Variants in CHN2 observed in about 807,000 individuals in gnomAD.
The protein encoded by CHN2 is beta-chimaerin.
In CHN2, 35 loss-of-function variants were observed where a neutral mutation model predicts 56.3. The observed-to-expected ratio is 0.62, with a 90% confidence interval of 0.47 to 0.82. CHN2 has a LOEUF of 0.82. CHN2 is among the 40% of genes least tolerant of loss of function. The pLI is 0.00. For missense variants in CHN2, 491 were observed against 580.5 expected, an observed-to-expected ratio of 0.85 and a Z score of 1.58; for synonymous variants, 210 against 212.8, an observed-to-expected ratio of 0.99 and a Z score of 0.12.
At position 29,411,684 on chromosome 7, in the gene CHN2, A is replaced by G. The variant is rs111994669; in HGVS notation, c.576+10856A>G. 9.5e-3 allele frequency among the ~76,000 whole-genome samples: 1,449 copies of G among 152,174 alleles called. 27 individuals carry two copies. Among genetic ancestry groups the G allele is most frequent in the African/African-American group, 0.033 (1,374 of 41,508 alleles). On this transcript the variant is annotated intron_variant, in intron 6 of 12. Coordinates refer to ENST00000222792, the MANE Select transcript of CHN2 (RefSeq NM_004067.4). ...CTTTCACCCTCTTTCTGCTTGGCTC[A>G]ATTAGGCAGGAAGTAGAGCCTGGGC...
intron 1 of CHN2, among the ~76,000 whole-genome samples, chr7:29,195,934 A>C (rs149211190): frequency 6.6e-6 from 1 of 152,166 alleles, no homozygotes; most frequent in South Asian, 2.1e-4. Context: ...CTGGTCATTG[A>C]AAACTTTAAT....
At chr7:29,356,282 A>G (rs1036869825) in intron 2 of CHN2, among the ~76,000 whole-genome samples, 1 of 152,210 alleles carries the variant, frequency 6.6e-6, no homozygotes, top group East Asian at 1.9e-4. Context: ...ACATAAATAC[A>G]CATATTATGT....
chr7:29,352,768 T>C (rs1029373537), intron 1 of CHN2, among the ~76,000 whole-genome samples: 2 of 151,786 alleles, frequency 1.3e-5, no homozygotes, highest in African/African-American at 4.8e-5. Flanking sequence ...AACAAAAACG[T>C]CAGAAATGCC....
At chr7:29,157,964 G>A (rs953471122) in intron 2 of CHN2, among the ~76,000 whole-genome samples, 5 of 152,158 alleles carry the variant, frequency 3.3e-5, no homozygotes, top group African/African-American at 4.8e-5. Context: ...CACTCCTAAA[G>A]AGATGTTTTT....
intron 3 of CHN2, among the ~76,000 whole-genome samples, chr7:29,388,234 GA>G (rs1472987288): frequency 6.6e-6 from 1 of 152,158 alleles, no homozygotes; most frequent in Non-Finnish European, 1.5e-5. Context: ...AGAAATCCTG[GA>G]AATAGGTGAA....
At chr7:29,360,173 C>G (rs1798618132) in intron 2 of CHN2, among the ~76,000 whole-genome samples, 1 of 152,214 alleles carries the variant, frequency 6.6e-6, no homozygotes, top group Admixed American at 6.5e-5. Context: ...ACTGTCATCT[C>G]CTCCTAGAGG....
chr7:29,187,830 A>G (rs1472453423), intron 2 of CHN2, among the ~76,000 whole-genome samples: 2 of 152,214 alleles, frequency 1.3e-5, no homozygotes, highest in East Asian at 3.8e-4. Context: ...GCCGTGCAGA[A>G]TATAATTGAG....
chr7:29,223,040 G>T (rs1452235996), intron 1 of CHN2, among the ~76,000 whole-genome samples: 1 of 152,072 alleles, frequency 6.6e-6, no homozygotes, highest in East Asian at 1.9e-4. Context: ...TAAAATTTGG[G>T]CAAAATACTT....
chr7:29,420,138 G>A (rs1804189827), intron 6 of CHN2, among the ~76,000 whole-genome samples: 1 of 152,084 alleles, frequency 6.6e-6, no homozygotes, highest in African/African-American at 2.4e-5. Context: ...TGGTATGGAT[G>A]TGGAGAAATT....
rs73090871 is a variant in CHN2, at chr7:29,210,242, T to C, written c.49+15252T>C. On this transcript the variant is annotated intron_variant, in intron 1 of 12. Coordinates refer to ENST00000222792, the MANE Select transcript of CHN2 (RefSeq NM_004067.4). ...AGCAATTACCAGTGGCATCATTTGT[T>C]CCAGGCACCCAGCCTGTAAGACATG... 1.9e-3 allele frequency among the ~76,000 whole-genome samples: 292 copies of C among 152,306 alleles called. 3 individuals are homozygous for C. The highest frequency in any genetic ancestry group is 3.5e-3 in the Non-Finnish European group (240 of 68,024).
chr7:29,247,970 C>T lies in CHN2; in HGVS notation c.49+52980C>T, dbSNP rs975154450. Among the ~76,000 whole-genome samples, 4 of 152,340 alleles carry T rather than the reference C, an allele frequency of 2.6e-5. No homozygotes were observed. The South Asian group carries it at 6.2e-4, about 24-fold the overall frequency. On this transcript the variant is annotated intron_variant, in intron 1 of 12. Transcript: ENST00000222792. ...ATGTGCTTTCTCTGCCTTGTTCAGG[C>T]AGTGATGCCAGAGTAGGCCAGTCCA... is the stretch of plus-strand genomic sequence containing the variant.
At chr7:29,336,759 C>CAAAAAAAAAA (rs5883205) in intron 1 of CHN2, among the ~76,000 whole-genome samples, 11 of 68,578 alleles carry the variant, frequency 1.6e-4, no homozygotes, top group African/African-American at 7.1e-4. Context: ...GATTCTGTCT[C>CAAAAAAAAAA]AAAAAAAAAA....
At chr7:29,441,283 C>T (rs1415912775) in intron 6 of CHN2, among the ~76,000 whole-genome samples, 1 of 152,118 alleles carries the variant, frequency 6.6e-6, no homozygotes, top group East Asian at 1.9e-4. Flanking sequence ...AGTTGGGCTA[C>T]CTCACACCAT....
intron 1 of CHN2, among the ~76,000 whole-genome samples, chr7:29,251,373 G>T (rs1788506602): frequency 6.6e-6 from 1 of 152,108 alleles, no homozygotes; most frequent in Non-Finnish European, 1.5e-5. Context: ...AGGATCTCTT[G>T]AGCCTGGGAG....
chr7:29,296,780 G>C (rs539599152), intron 1 of CHN2, among the ~76,000 whole-genome samples: 2 of 152,308 alleles, frequency 1.3e-5, no homozygotes, highest in South Asian at 4.1e-4. Flanking sequence ...CAGTCCTCAA[G>C]GGCATAACTA....
intron 1 of CHN2, among the ~76,000 whole-genome samples, chr7:29,238,912 AG>A (rs1467689534): frequency 1.3e-5 from 2 of 152,218 alleles, no homozygotes; most frequent in Non-Finnish European, 2.9e-5. Context: ...AGTAGTCAGA[AG>A]GAAGTTGGCG....
intron 2 of CHN2, among the ~76,000 whole-genome samples, chr7:29,362,613 A>T (rs1798829754): frequency 6.6e-6 from 1 of 152,122 alleles, no homozygotes; most frequent in Non-Finnish European, 1.5e-5. Context: ...CTCAGCAGCC[A>T]CACTGGCCTC....
intron 8 of CHN2, among the ~76,000 whole-genome samples, chr7:29,499,335 A>G (rs556244288): frequency 6.6e-6 from 1 of 152,314 alleles, no homozygotes; most frequent in African/African-American, 2.4e-5. Context: ...GGAGGAAGGG[A>G]TTGGAAACTA....
chr7:29,247,405 A>G (rs1474133036), intron 1 of CHN2, among the ~76,000 whole-genome samples: 1 of 152,156 alleles, frequency 6.6e-6, no homozygotes, highest in African/African-American at 2.4e-5. Flanking sequence ...CACTCAGGGA[A>G]GTGGCTGCCC....
Sources: allele counts gnomAD v4.1 joint callset (sites outside exome capture counted in the v4.1 genomes callset), GRCh38; gene constraint gnomAD v4.1.1; transcripts MANE v1.5; gene names NCBI Gene and HGNC (gene_info 2026-07-23, HGNC 2026-07-21).